Variants in TEAD1 observed in about 807,000 individuals in gnomAD.
TEAD1 encodes the protein TEA domain transcription factor 1, also known as transcriptional enhancer factor TEF-1.
TEAD1 carries 9 observed loss-of-function variants against 54.9 expected under a neutral mutation model. That is an observed-to-expected ratio of 0.16 (90% CI 0.10 to 0.29). The LOEUF (loss-of-function observed/expected upper bound fraction) is 0.29. Ranked by LOEUF, TEAD1 falls within the 10% of genes least tolerant of loss-of-function variation. The probability of loss-of-function intolerance (pLI) is 1.00; values close to 1 mark genes in which losing one functional copy is unlikely to be tolerated. For synonymous variants in TEAD1, 200 were observed against 187.8 expected, an observed-to-expected ratio of 1.07 and a Z score of -0.53; for missense variants, 387 against 535.9, an observed-to-expected ratio of 0.72 and a Z score of 2.74.
intron 3 of TEAD1, among the ~76,000 whole-genome samples, chr11:12,857,044 G>C (rs1482521164): frequency 3.3e-5 from 5 of 152,148 alleles, no homozygotes; most frequent in Admixed American, 3.3e-4. Flanking sequence ...ACGTTAACCA[G>C]TCTTCTATCT....
intron 3 of TEAD1, among the ~76,000 whole-genome samples, chr11:12,787,962 CTT>C (rs35774588): frequency 5.4e-4 from 71 of 131,642 alleles, no homozygotes; most frequent in Middle Eastern, 3.8e-3. Context: ...AAATCTTTCA[CTT>C]TTTTTTTTTT....
chr11:12,929,601 T>C (rs73411223), intron 11 of TEAD1, among the ~76,000 whole-genome samples: 2,298 of 152,250 alleles, frequency 0.015, 48 homozygotes, highest in African/African-American at 0.052. Context: ...ATAATTTTCT[T>C]AATTCCTTTT....
intron 3 of TEAD1, among the ~76,000 whole-genome samples, chr11:12,786,535 T>C (rs1945680721): frequency 6.6e-6 from 1 of 152,210 alleles, no homozygotes; most frequent in Admixed American, 6.5e-5. Flanking sequence ...TTAGTATGAG[T>C]ATATCCCATG....
intron 10 of TEAD1, 34 bp downstream of exon 10, chr11:12,902,147 T>C: frequency 6.2e-7 from 1 of 1,614,002 alleles, no homozygotes; most frequent in Non-Finnish European, 8.5e-7. Context: ...TCCGTGGTTT[T>C]TGTCTGAATG....
chr11:12,792,089 T>G (rs937340900), intron 3 of TEAD1, among the ~76,000 whole-genome samples: 2 of 152,176 alleles, frequency 1.3e-5, no homozygotes, highest in Non-Finnish European at 2.9e-5. Flanking sequence ...GGGCATGTGC[T>G]TGGGACACTC....
chr11:12,921,352 C>T (rs34375346), intron 10 of TEAD1: 24,004 of 151,908 alleles, frequency 0.16, 2,086 homozygotes, highest in Admixed American at 0.21. Flanking sequence ...GCCTGACCAA[C>T]GTGGAGAAAC....
rs1947587580 is a variant in TEAD1, at chr11:12,865,012, A to G, written c.330+112A>G. ...GATTCTCGTAACCTAGTTTCCTTGC[A>G]TGTGAGAGCTGTTTACATTTCTTTG... On this transcript the variant is annotated intron_variant, in intron 5 of 12. Coordinates refer to ENST00000527636, the MANE Select transcript of TEAD1 (RefSeq NM_021961.6). 3 of 1,164,802 alleles carry G rather than the reference A, an allele frequency of 2.6e-6. No homozygotes were observed. The South Asian group carries it at 3.7e-5, about 14-fold the overall frequency. 72.2% of individuals were successfully genotyped at this position (1,164,802 alleles called of 1,614,324 possible). A position where few individuals can be genotyped will look rare whatever the true frequency, so the allele number is the denominator to read the frequency against.
chr11:12,677,971 A>G (rs748634907), intron 2 of TEAD1, among the ~76,000 whole-genome samples: 1 of 152,334 alleles, frequency 6.6e-6, no homozygotes, highest in South Asian at 2.1e-4. Context: ...AACTGTATGT[A>G]TGATCTGGTG....
intron 10 of TEAD1, among the ~76,000 whole-genome samples, chr11:12,918,957 T>TA: frequency 6.6e-6 from 1 of 152,344 alleles, no homozygotes; most frequent in East Asian, 1.9e-4. Context: ...GGATCATGGT[T>TA]ACGCTGGCAA....
At chr11:12,753,025 T>G (rs1944908516) in intron 2 of TEAD1, among the ~76,000 whole-genome samples, 1 of 150,780 alleles carries the variant, frequency 6.6e-6, no homozygotes, top group Non-Finnish European at 1.5e-5. Flanking sequence ...TTTTTTTTTT[T>G]GTAGAGATAG....
Position 12,862,402 on chromosome 11 carries a change from T to TA in TEAD1, c.267+89dup, listed in dbSNP as rs946594112. The TA allele has an allele frequency of 6.6e-6, 8 of 1,216,428 alleles. No individual in the cohort carries two copies. In the African/African-American group the frequency reaches 1.2e-4, roughly 18 times the overall value. 75.4% of individuals were successfully genotyped at this position (1,216,428 alleles called of 1,614,324 possible). ...CAGTGGCTGGCTATGCTTTGGCTCCTAGGAGCCCCCAATTTGAGTTCCCTG... is the reference window on the plus strand; with the variant it reads ...CAGTGGCTGGCTATGCTTTGGCTCCTAAGGAGCCCCCAATTTGAGTTCCCTG... On this transcript the variant is annotated intron_variant, in intron 4 of 12. Transcript: ENST00000527636.
intron 10 of TEAD1, among the ~76,000 whole-genome samples, chr11:12,919,700 A>G (rs918242917): frequency 1.3e-4 from 20 of 151,926 alleles, no homozygotes; most frequent in Admixed American, 7.9e-4. Context: ...GCATCTCCCT[A>G]TGTTGCCCAG....
chr11:12,688,889 G>A (rs988510436), intron 2 of TEAD1, among the ~76,000 whole-genome samples: 13 of 152,130 alleles, frequency 8.5e-5, no homozygotes, highest in Non-Finnish European at 1.8e-4. Context: ...TTTTCCTCCC[G>A]AATAACATAG....
intron 5 of TEAD1, among the ~76,000 whole-genome samples, chr11:12,873,377 G>A (rs531849011): frequency 7.2e-5 from 11 of 152,296 alleles, no homozygotes; most frequent in South Asian, 4.1e-4. Flanking sequence ...GAGTTTGCTC[G>A]TCTGTAGTCC....
At chr11:12,873,634 G>A (rs752648367) in intron 5 of TEAD1, among the ~76,000 whole-genome samples, 10 of 152,174 alleles carry the variant, frequency 6.6e-5, no homozygotes, top group South Asian at 2.1e-4. Context: ...TGCGTTAGCT[G>A]TTACCTGACT....
intron 2 of TEAD1, among the ~76,000 whole-genome samples, chr11:12,691,725 A>G (rs762328518): frequency 1.3e-5 from 2 of 152,192 alleles, no homozygotes; most frequent in Non-Finnish European, 2.9e-5. Context: ...CATTGCCTTC[A>G]TCATGTCTGC....
chr11:12,712,326 A>T (rs1295187261), intron 2 of TEAD1, among the ~76,000 whole-genome samples: 2 of 152,096 alleles, frequency 1.3e-5, no homozygotes, highest in Admixed American at 1.3e-4. Context: ...TGGCCTCTGG[A>T]ATCTTTGCTG....
At chr11:12,681,128 ACCATCAGCC>A (rs1279849219) in intron 2 of TEAD1, among the ~76,000 whole-genome samples, 1 of 152,182 alleles carries the variant, frequency 6.6e-6, no homozygotes, top group Non-Finnish European at 1.5e-5. Flanking sequence ...AGCTGAAGGA[ACCATCAGCC>A]CCATCTTGAA....
rs369957262 is a variant in TEAD1, at chr11:12,689,013, G to GTTT, written c.-55+13461_-55+13463dup. Among the ~76,000 whole-genome samples, 185 of 134,942 alleles carry GTTT rather than the reference G, an allele frequency of 1.4e-3. 1 individual carries two copies. Among genetic ancestry groups the GTTT allele is most frequent in the African/African-American group, 5.4e-3 (176 of 32,390 alleles). 88.5% of individuals were successfully genotyped at this position (134,942 alleles called of 152,430 possible). ...GGATTTCCTGCTTTGTTGTTTTTCT[G>GTTT]TTTTTTTTTTTGTTGTTGTTTATTT... On this transcript the variant is annotated intron_variant, in intron 2 of 12. Coordinates refer to ENST00000527636, the MANE Select transcript of TEAD1 (RefSeq NM_021961.6).
Sources: allele counts gnomAD v4.1 joint callset (sites outside exome capture counted in the v4.1 genomes callset), GRCh38; gene constraint gnomAD v4.1.1; transcripts MANE v1.5; gene names NCBI Gene and HGNC (gene_info 2026-07-23, HGNC 2026-07-21).